The following CCR3 variants were observed in gnomAD, a reference collection of about 807,000 sequenced individuals.
CCR3 encodes C-C motif chemokine receptor 3, also known as C-C chemokine receptor type 3.
For synonymous variants in CCR3, 203 were observed against 179.2 expected (o/e 1.13, Z -1.06); for missense variants, 419 against 437.5 (o/e 0.96, Z 0.38).
intron 1 of CCR3, among the ~76,000 whole-genome samples, chr3:46,258,571 G>T (rs540213394): frequency 6.6e-6 from 1 of 151,954 alleles, no homozygotes; most frequent in Non-Finnish European, 1.5e-5. Context: ...TCATCCTCTC[G>T]CTTGAACTGA....
intron 2 of CCR3, among the ~76,000 whole-genome samples, chr3:46,214,259 C>T (rs544331308): frequency 6.6e-6 from 1 of 152,164 alleles, no homozygotes; most frequent in South Asian, 2.1e-4. Flanking sequence ...TTCTACAAGC[C>T]CCCACCTCTC....
At chr3:46,213,562 C>G (rs1699740872) in intron 2 of CCR3, among the ~76,000 whole-genome samples, 1 of 152,212 alleles carries the variant, frequency 6.6e-6, no homozygotes, top group Admixed American at 6.5e-5. Context: ...TCTTCTACCA[C>G]AATGCACAAA....
intron 1 of CCR3, among the ~76,000 whole-genome samples, chr3:46,262,066 A>T (rs1367787751): frequency 6.6e-6 from 1 of 152,216 alleles, no homozygotes; most frequent in African/African-American, 2.4e-5. Flanking sequence ...ACTCTGCCCC[A>T]TGTCTCAAGT....
chr3:46,220,169 C>T (rs556612979), intron 2 of CCR3, among the ~76,000 whole-genome samples: 15 of 152,044 alleles, frequency 9.9e-5, no homozygotes, highest in Admixed American at 6.6e-4. Context: ...CATCAAAAAG[C>T]GGGCTAAGGA....
chr3:46,220,075 C>G (rs980727808), intron 2 of CCR3, among the ~76,000 whole-genome samples: 4 of 152,176 alleles, frequency 2.6e-5, no homozygotes, highest in African/African-American at 9.6e-5. Context: ...GGGAGAAAAT[C>G]TTTGCAAACT....
At chr3:46,225,043 T>TA (rs1410948586) in intron 2 of CCR3, among the ~76,000 whole-genome samples, 1 of 152,176 alleles carries the variant, frequency 6.6e-6, no homozygotes, top group Non-Finnish European at 1.5e-5. Context: ...CCAAAATTCT[T>TA]ATCAGTAGTA....
rs910001538 is a variant in CCR3, at chr3:46,266,156, G to C, written c.998G>C (p.Ser333Thr). 6.2e-7 allele frequency: 1 copy of C among 1,614,084 alleles called. No individual in the cohort carries two copies. Among genetic ancestry groups the C allele is most frequent in the Non-Finnish European group, 8.5e-7 (1 of 1,179,990 alleles). Residue 333 changes from serine to threonine, a missense_variant, in exon 2 of 2, where the codon AGT becomes ACT. Coordinates refer to ENST00000395940, the MANE Select transcript of CCR3 (RefSeq NM_178329.3). ...HLGRYIPFLP[S>T]EKLERTSSVS... ...GGCAGATACATCCCATTCCTTCCTAGTGAGAAGCTGGAAAGAACCAGCTCT... is the reference window on the plus strand; with the variant it reads ...GGCAGATACATCCCATTCCTTCCTACTGAGAAGCTGGAAAGAACCAGCTCT...
At chr3:46,237,095 C>T (rs1700032738) in intron 2 of CCR3, among the ~76,000 whole-genome samples, 2 of 145,194 alleles carry the variant, frequency 1.4e-5, no homozygotes. Context: ...ATATATACCA[C>T]ATTTTCTTTA....
chr3:46,234,308 T>C (rs780990918), intron 2 of CCR3, among the ~76,000 whole-genome samples: 7 of 152,132 alleles, frequency 4.6e-5, no homozygotes, highest in Non-Finnish European at 1.0e-4. Context: ...ATTAAATGTA[T>C]TGGGATGGAT....
chr3:46,262,683 G>T (rs1700548381), intron 1 of CCR3, among the ~76,000 whole-genome samples: 1 of 151,948 alleles, frequency 6.6e-6, no homozygotes, highest in Admixed American at 6.6e-5. Context: ...TTGAGATGGA[G>T]TCTGGCTGTC....
chr3:46,240,914 GA>G (rs1307030858), upstream of CCR3, among the ~76,000 whole-genome samples: 41 of 152,278 alleles, frequency 2.7e-4, no homozygotes, highest in Non-Finnish European at 1.5e-5. Flanking sequence ...ACTATCAGTC[GA>G]AAATTTTGTT....
chr3:46,264,885 A>G, intron 1 of CCR3: 1 of 470,294 alleles, frequency 2.1e-6, no homozygotes, highest in Non-Finnish European at 3.7e-6. Context: ...AGAAATCTGT[A>G]TCCCCATTCT....
At chr3:46,221,273 T>C (rs928964285) in intron 2 of CCR3, among the ~76,000 whole-genome samples, 3 of 152,252 alleles carry the variant, frequency 2.0e-5, no homozygotes, top group Non-Finnish European at 4.4e-5. Flanking sequence ...CTATAGGCCA[T>C]GAATGTACAG....
chr3:46,218,596 C>T (rs1464165533), intron 2 of CCR3, among the ~76,000 whole-genome samples: 2 of 151,946 alleles, frequency 1.3e-5, no homozygotes, highest in South Asian at 4.1e-4. Flanking sequence ...ACTAGGTAAC[C>T]GAATTCAACA....
At chr3:46,243,002 T>TATATATATATATATATATATAC (rs56773457) in intron 1 of CCR3, among the ~76,000 whole-genome samples, 1,805 of 123,534 alleles carry the variant, frequency 0.015, 52 homozygotes, top group Middle Eastern at 0.025. Flanking sequence ...TATATATATA[T>TATATATATATATATATATATAC]ACGCACACAC....
At chr3:46,242,341 A>G (rs964635406), upstream of CCR3, 1 of 152,282 alleles carries the variant, frequency 6.6e-6, no homozygotes, top group South Asian at 2.1e-4. Context: ...ACAGGAAGTT[A>G]TATACTTACA....
rs138193144 is a variant in CCR3, at chr3:46,253,878, G to A, written c.-11-11270G>A. Among the ~76,000 whole-genome samples the A allele has an allele frequency of 2.4e-4, 37 of 152,220 alleles. 1 individual carries two copies. The South Asian group carries it at 5.2e-3, about 21-fold the overall frequency. On this transcript the variant is annotated intron_variant, in intron 1 of 1. Transcript: ENST00000395940. ...TCTCGCTATTAGAAAGAATGAGGCC[G>A]TTCTACAAGTATTGATATAGAAAGA...
intron 2 of CCR3, among the ~76,000 whole-genome samples, chr3:46,218,515 G>T (rs753478192): frequency 6.6e-6 from 1 of 151,938 alleles, no homozygotes; most frequent in Non-Finnish European, 1.5e-5. Context: ...ACCAGGAAAT[G>T]ACGTAATGAA....
chr3:46,241,906 G>A (rs749248961), upstream of CCR3, among the ~76,000 whole-genome samples: 5 of 152,048 alleles, frequency 3.3e-5, no homozygotes, highest in African/African-American at 9.7e-5. Flanking sequence ...GCCGAGACTC[G>A]CAGATCACTT....
Sources: gnomAD v4.1 joint callset for allele counts (sites outside exome capture counted in the v4.1 genomes callset) on GRCh38, gnomAD v4.1.1 for gene constraint, MANE v1.5 for transcripts, NCBI Gene and HGNC (gene_info 2026-07-23, HGNC 2026-07-21) for gene names.